Variants in FGD4 observed in about 807,000 individuals in gnomAD.
FGD4 encodes the protein FYVE, RhoGEF and PH domain containing 4.
Under a neutral mutation model 102.0 loss-of-function variants are expected in FGD4, and 42 were observed. The observed-to-expected ratio is 0.41, with a 90% CI of 0.32 to 0.53. The LOEUF (loss-of-function observed/expected upper bound fraction) is 0.53, where lower values mean the gene tolerates loss of function less well. Ranked by LOEUF, FGD4 falls within the 20% of genes least tolerant of loss-of-function variation. The pLI, the probability that FGD4 is intolerant of heterozygous loss-of-function variation, is 0.21. For missense variants in FGD4, 902 were observed against 1,078.2 expected (o/e 0.84, Z 2.29); for synonymous variants, 380 against 375.7 (o/e 1.01, Z -0.13).
At chr12:32,584,433 T>C (rs1252931276) in intron 4 of FGD4, among the ~76,000 whole-genome samples, 2 of 152,194 alleles carry the variant, frequency 1.3e-5, no homozygotes. Context: ...AATGGTAATA[T>C]AGTGGACCAC....
At chr12:32,498,908 G>GT (rs1304048315) in intron 1 of FGD4, among the ~76,000 whole-genome samples, 1 of 152,148 alleles carries the variant, frequency 6.6e-6, no homozygotes, top group African/African-American at 2.4e-5. Flanking sequence ...ACAGTTATTA[G>GT]TTTTTTTGTA....
chr12:32,411,213 G>A (rs899634978), intron 1 of FGD4, among the ~76,000 whole-genome samples: 8 of 151,902 alleles, frequency 5.3e-5, no homozygotes, highest in Non-Finnish European at 4.4e-5. Context: ...ACAGGTGTGA[G>A]CCACTGCGCC....
intron 1 of FGD4, among the ~76,000 whole-genome samples, chr12:32,403,490 G>A (rs1366426089): frequency 6.9e-6 from 1 of 144,874 alleles, no homozygotes; most frequent in African/African-American, 2.6e-5. Context: ...CTACTTGGGA[G>A]GCTGAGGCAG....
chr12:32,487,552 A>G (rs1333345890), intron 1 of FGD4, among the ~76,000 whole-genome samples: 3 of 151,606 alleles, frequency 2.0e-5, no homozygotes, highest in African/African-American at 4.9e-5. Flanking sequence ...TCGTGCCTCA[A>G]CCTCCCAAGA....
At chr12:32,537,012 C>G (rs1942334192) in intron 1 of FGD4, among the ~76,000 whole-genome samples, 1 of 151,828 alleles carries the variant, frequency 6.6e-6, no homozygotes, top group Admixed American at 6.6e-5. Context: ...GGGTTCACAC[C>G]ATTCTCCTGC....
At chr12:32,480,652 C>T (rs1015539959) in intron 1 of FGD4, among the ~76,000 whole-genome samples, 12 of 151,536 alleles carry the variant, frequency 7.9e-5, no homozygotes, top group Non-Finnish European at 5.9e-5. Flanking sequence ...AGGCACGCAC[C>T]ACCATGGCCA....
chr12:32,515,146 AT>A (rs1939765297), intron 1 of FGD4, among the ~76,000 whole-genome samples: 1 of 152,234 alleles, frequency 6.6e-6, no homozygotes, highest in South Asian at 2.1e-4. Flanking sequence ...TACCAATCCC[AT>A]TTCAACAATG....
At chr12:32,545,443 T>C (rs974323338) in intron 1 of FGD4, among the ~76,000 whole-genome samples, 1 of 152,208 alleles carries the variant, frequency 6.6e-6, no homozygotes, top group Non-Finnish European at 1.5e-5. Flanking sequence ...TCTGTAAACT[T>C]TTTCTGTGAA....
chr12:32,538,402 T>C (rs1942494108), intron 1 of FGD4, among the ~76,000 whole-genome samples: 1 of 152,204 alleles, frequency 6.6e-6, no homozygotes, highest in African/African-American at 2.4e-5. Context: ...GTTTAATAAA[T>C]TATAAATATT....
At chr12:32,526,395 A>G (rs191329746) in intron 1 of FGD4, among the ~76,000 whole-genome samples, 290 of 152,218 alleles carry the variant, frequency 1.9e-3, no homozygotes, top group Middle Eastern at 3.4e-3. Context: ...GAATGCACCA[A>G]TCGACACTCT....
rs34814176 is a variant in FGD4, at chr12:32,409,291, CTTT to C, written c.166+9344_166+9346del. Among the ~76,000 whole-genome samples, 334 of 132,002 alleles carry C rather than the reference CTTT, an allele frequency of 2.5e-3. 3 individuals are homozygous for C. The highest frequency in any genetic ancestry group is 8.3e-3 in the African/African-American group (287 of 34,698). 86.6% of individuals were successfully genotyped at this position (132,002 alleles called of 152,430 possible). A position where few individuals can be genotyped will look rare whatever the true frequency, so the allele number is the denominator to read the frequency against. ...CCCCCCAGTAATTTTTCTTTTTTTTCTTTTTTTTTTTTTTGAGTTGAAGTCTCA... is the reference window on the plus strand; with the variant it reads ...CCCCCCAGTAATTTTTCTTTTTTTTCTTTTTTTTTTTGAGTTGAAGTCTCA... On this transcript the variant is annotated intron_variant, in intron 1 of 16. Coordinates refer to ENST00000534526, the MANE Select transcript of FGD4 (RefSeq NM_001370298.3).
chr12:32,561,069 G>GTTTTTTTTTTTTTT (rs1565841408), intron 1 of FGD4, among the ~76,000 whole-genome samples: 4 of 91,996 alleles, frequency 4.3e-5, no homozygotes, highest in Admixed American at 1.1e-4. Flanking sequence ...TTCTTTGTTG[G>GTTTTTTTTTTTTTT]GTTTTGTTTT....
At chr12:32,402,669 C>T (rs567393831) in intron 1 of FGD4, among the ~76,000 whole-genome samples, 49 of 151,576 alleles carry the variant, frequency 3.2e-4, no homozygotes, top group African/African-American at 1.1e-3. Flanking sequence ...CTAGCACTAC[C>T]TTTTCTAGGT....
chr12:32,531,154 G>A (rs12366886), intron 1 of FGD4, among the ~76,000 whole-genome samples: 27,614 of 151,482 alleles, frequency 0.18, 3,083 homozygotes, highest in Middle Eastern at 0.35. Flanking sequence ...GTTTCACCAC[G>A]TTGGCCAGAT....
intron 5 of FGD4, 110 bp from the exon 6 acceptor site, chr12:32,601,168 T>A: frequency 8.9e-7 from 1 of 1,126,394 alleles, no homozygotes; most frequent in Non-Finnish European, 1.3e-6. Context: ...AACTGTAAAC[T>A]TTTCCATTTG....
At chr12:32,636,334 G>T (rs183301114) in intron 15 of FGD4, among the ~76,000 whole-genome samples, 2 of 152,208 alleles carry the variant, frequency 1.3e-5, no homozygotes, top group African/African-American at 2.4e-5. Context: ...AGGAGTTCGA[G>T]ACCAGCCTGA....
intron 1 of FGD4, among the ~76,000 whole-genome samples, chr12:32,410,355 C>A (rs1033335857): frequency 1.3e-5 from 2 of 151,498 alleles, no homozygotes; most frequent in African/African-American, 4.8e-5. Context: ...CAGTATGGCC[C>A]GTAGTCTTAG....
chr12:32,444,214 G>A (rs1030124011), intron 1 of FGD4, among the ~76,000 whole-genome samples: 5 of 151,780 alleles, frequency 3.3e-5, no homozygotes, highest in African/African-American at 1.2e-4. Flanking sequence ...TATAGAGACA[G>A]GGTCTTACTA....
intron 1 of FGD4, among the ~76,000 whole-genome samples, chr12:32,470,051 A>G (rs1591962473): frequency 6.6e-6 from 1 of 152,272 alleles, no homozygotes; most frequent in Non-Finnish European, 1.5e-5. Flanking sequence ...GAGCAGATAC[A>G]CTTGTCATTG....
Sources: allele counts gnomAD v4.1 joint callset (sites outside exome capture counted in the v4.1 genomes callset), GRCh38; gene constraint gnomAD v4.1.1; transcripts MANE v1.5; gene names NCBI Gene and HGNC (gene_info 2026-07-23, HGNC 2026-07-21).